HSPG2: variants seen among roughly 807,000 people sequenced by gnomAD.
HSPG2 encodes the protein heparan sulfate proteoglycan 2.
In HSPG2, 278 loss-of-function variants were observed where a neutral mutation model predicts 526.6. The observed-to-expected ratio is 0.53, with a 90% CI of 0.48 to 0.58. The LOEUF (loss-of-function observed/expected upper bound fraction) is 0.58, where lower values mean the gene tolerates loss of function less well. HSPG2 is among the 20% of genes least tolerant of loss of function. The probability of loss-of-function intolerance (pLI) is 0.00; values close to 1 mark genes in which losing one functional copy is unlikely to be tolerated. For missense variants in HSPG2, 5,354 were observed against 6,099.5 expected (o/e 0.88, Z 4.07); for synonymous variants, 2,465 against 2,555.4 (o/e 0.96, Z 1.07).
Position 21,848,066 on chromosome 1 carries a change from G to A in HSPG2, c.7765C>T (p.Gln2589Ter). ...TCGCCCGAGTCTGCCGGAGTCACCT[G>A]AGGGATCCGCAGCCGGGAGCCCACG... ...QIVGSRLRIP[Q>*]VTPADSGEYV... Residue 2589 changes from glutamine to a stop codon, truncating the protein, a stop_gained, in exon 60 of 97, where the codon CAG becomes TAG. Transcript: ENST00000374695. LOFTEE classifies it high-confidence loss of function. The surrounding 1 kb of genome is among the most constrained non-coding windows in gnomAD (Gnocchi z 4.9). 1 of 1,611,882 alleles carries A rather than the reference G, an allele frequency of 6.2e-7. No individual in the cohort carries two copies. The highest frequency in any genetic ancestry group is 8.5e-7 in the Non-Finnish European group (1 of 1,179,388).
chr1:21,894,028 C>A (rs145298176), intron 3 of HSPG2, among the ~76,000 whole-genome samples: 1 of 151,808 alleles, frequency 6.6e-6, no homozygotes, highest in Non-Finnish European at 1.5e-5. Flanking sequence ...GGGCCCAGGG[C>A]AGGGAGGACA....
intron 9 of HSPG2, among the ~76,000 whole-genome samples, chr1:21,885,849 A>T (rs1641855690): frequency 6.6e-6 from 1 of 152,232 alleles, no homozygotes. Context: ...CTTCTCTACC[A>T]GAATGCCTGG....
intron 90 of HSPG2, 34 bp from the exon 91 acceptor site, chr1:21,827,953 T>C (rs776039342): frequency 1.9e-5 from 30 of 1,608,872 alleles, no homozygotes; most frequent in Middle Eastern, 1.6e-4. Context: ...TTGGTGGGCA[T>C]AGACACCCGT....
rs1557742701 is a variant in HSPG2, at chr1:21,864,221, C to T, written c.4627-8G>A. The T allele has an allele frequency of 6.5e-7, 1 of 1,550,170 alleles. No homozygotes were observed. The highest frequency in any genetic ancestry group is 2.4e-5 in the East Asian group (1 of 40,950). On this transcript the variant is annotated splice_polypyrimidine_tract_variant and splice_region_variant and intron_variant, in intron 36 of 96. Coordinates refer to ENST00000374695, the MANE Select transcript of HSPG2 (RefSeq NM_005529.7). This position sits in a 1 kb window ranked among gnomAD's most constrained non-coding sequence, Gnocchi z 4.8. ...GTAGCCGGGGGCACAGTCCTAGGGGCAGAGAGGAAGGTTGGCCTCTGTTCC... is the reference window on the plus strand; with the variant it reads ...GTAGCCGGGGGCACAGTCCTAGGGGTAGAGAGGAAGGTTGGCCTCTGTTCC...
In HSPG2 at chr1:21,860,014, G is replaced by T. The variant is rs1365677396; in HGVS notation, c.5015-12C>A. 6.2e-7 allele frequency: 1 copy of T among 1,609,396 alleles called. No individual in the cohort carries two copies. On this transcript the variant is annotated splice_polypyrimidine_tract_variant and intron_variant, in intron 40 of 96. Coordinates refer to ENST00000374695, the MANE Select transcript of HSPG2 (RefSeq NM_005529.7). ...TGGGGCTTGGTTTGCTGGGGGTGGG[G>T]GCCGGGACAGGAAGGGCCTTTCAGC...
In HSPG2 at chr1:21,833,362, C is replaced by T. The variant is rs147966644; in HGVS notation, c.11001G>A (p.Thr3667=). 2.5e-4 allele frequency: 402 copies of T among 1,614,004 alleles called. 3 individuals carry two copies. Among genetic ancestry groups the T allele is most frequent in the Non-Finnish European group, 3.0e-4 (351 of 1,180,014 alleles). ...GCGGTAGGAAGGAGTAGGGGGTCTG[C>T]GTGAAGTAGGGCACCACCCGCTCTG... ...QVPERVVPYF[T]QTPYSFLPLP... The change falls in exon 80 of 97, where the codon ACG becomes ACA. Residue 3667 remains threonine, a synonymous_variant. Coordinates refer to ENST00000374695, the MANE Select transcript of HSPG2 (RefSeq NM_005529.7).
At position 21,872,869 on chromosome 1, in the gene HSPG2, CTGCCCTGTCCCCCA is replaced by C. The variant is rs764599221; in HGVS notation, c.3888+114_3889-110del. ...CACTTCCAGCAGCCCCGGGCAGCCCCTGCCCTGTCCCCCATGCCCTGCCCCCCATGCCCAGGTCT... is the reference window on the plus strand; with the variant it reads ...CACTTCCAGCAGCCCCGGGCAGCCCCTGCCCTGCCCCCCATGCCCAGGTCT... On this transcript the variant is annotated intron_variant, in intron 31 of 96. Coordinates refer to ENST00000374695, the MANE Select transcript of HSPG2 (RefSeq NM_005529.7). This position sits in a 1 kb window ranked among gnomAD's most constrained non-coding sequence, Gnocchi z 5.5. 1 of 1,545,404 alleles carries C rather than the reference CTGCCCTGTCCCCCA, an allele frequency of 6.5e-7. No individual in the cohort carries two copies. The highest frequency in any genetic ancestry group is 1.4e-5 in the African/African-American group (1 of 73,682).
chr1:21,891,436 G>A (rs1000849389), intron 3 of HSPG2, among the ~76,000 whole-genome samples: 2 of 152,166 alleles, frequency 1.3e-5, no homozygotes, highest in East Asian at 1.9e-4. Context: ...CCCAAGAATC[G>A]AAGCTGCTGT....
Position 21,843,298 on chromosome 1 carries a change from A to T in HSPG2, c.8757T>A (p.Pro2919=). 1 of 1,614,022 alleles carries T rather than the reference A, an allele frequency of 6.2e-7. No homozygotes were observed. Among genetic ancestry groups the T allele is most frequent in the Admixed American group, 1.7e-5 (1 of 60,024 alleles). The change falls in exon 66 of 97, where the codon CCT becomes CCA. Residue 2919 remains proline (P), a splice_region_variant and synonymous_variant. Coordinates refer to ENST00000374695, the MANE Select transcript of HSPG2 (RefSeq NM_005529.7). ...TIEPSSPGPI[P]APGLAQPIYI... ...CGCCCACTGCTCCCTATCACTCACC[A>T]GGAATGGGTCCTGGGCTGGAGGGCT...
chr1:21,903,104 CAGA>C (rs764613943), intron 1 of HSPG2, among the ~76,000 whole-genome samples: 35 of 152,204 alleles, frequency 2.3e-4, no homozygotes, highest in Non-Finnish European at 4.1e-4. Context: ...AAGCTAACTT[CAGA>C]AGGAGACTTG....
chr1:21,888,092 G>C (rs1393665533), intron 6 of HSPG2, 26 bp from the exon 7 acceptor site: 2 of 1,613,500 alleles, frequency 1.2e-6, no homozygotes, highest in Non-Finnish European at 1.7e-6. Flanking sequence ...AAGCAGACTG[G>C]AGTCAGAGGC....
chr1:21,893,556 C>T lies in HSPG2; in HGVS notation c.244+2366G>A, dbSNP rs887980245. On this transcript the variant is annotated intron_variant, in intron 3 of 96. Transcript: ENST00000374695. This position sits in a 1 kb window ranked among gnomAD's most constrained non-coding sequence, Gnocchi z 4.3. ...GGGGAGGGAGGCAGAGGGAGAGCAG[C>T]GCTCCCACCTGGCCAGGGCCTGGGT... Among the ~76,000 whole-genome samples the T allele has an allele frequency of 4.0e-5, 6 of 151,292 alleles. No individual in the cohort carries two copies. Among genetic ancestry groups the T allele is most frequent in the East Asian group, 2.0e-4 (1 of 5,060 alleles).
rs548069990 is a variant in HSPG2 at position 21,896,349 on chromosome 1, G to T, written c.64-39C>A. 3.1e-6 allele frequency: 5 copies of T among 1,606,968 alleles called. No individual in the cohort carries two copies. The South Asian group carries it at 4.4e-5, about 14-fold the overall frequency. Reference sequence around the variant, plus strand: ...AGAGCTGATTGAGTCACTCTCTCCAGCTCCCACTGAGCCCCACGGTCCTTC... The same window carrying T: ...AGAGCTGATTGAGTCACTCTCTCCATCTCCCACTGAGCCCCACGGTCCTTC... On this transcript the variant is annotated intron_variant, in intron 1 of 96. Transcript: ENST00000374695.
At chr1:21,913,994 CGCTAA>C (rs1643802022) in intron 1 of HSPG2, among the ~76,000 whole-genome samples, 1 of 152,124 alleles carries the variant, frequency 6.6e-6, no homozygotes, top group Non-Finnish European at 1.5e-5. Flanking sequence ...AAATTTGTGG[CGCTAA>C]GCTGTGAGTC....
rs970241590 is a variant in HSPG2, at chr1:21,842,373, C to T, written c.8918G>A (p.Gly2973Asp). 7 of 1,606,878 alleles carry T rather than the reference C, an allele frequency of 4.4e-6. No individual in the cohort carries two copies. Among genetic ancestry groups the T allele is most frequent in the Non-Finnish European group, 6.0e-6 (7 of 1,176,046 alleles). ...GACGAGGTGGAGCCGCAGCTGGGAGCCATGGGTCTGTCAGAGCAGCGAGGG... is the reference window on the plus strand; with the variant it reads ...GACGAGGTGGAGCCGCAGCTGGGAGTCATGGGTCTGTCAGAGCAGCGAGGG... The part of the protein sequence containing the change: ...GSLPARHQTH[G>D]SQLRLHLVSP... The change falls in exon 68 of 97, where the codon GGC (glycine) becomes GAC (aspartate). Residue 2973 changes from glycine to aspartate, a missense_variant. By Grantham distance (94) the Gly-to-Asp change is moderately conservative. Transcript: ENST00000374695.
At chr1:21,896,393 C>A in intron 1 of HSPG2, 83 bp from the exon 2 acceptor site, 1 of 1,501,106 alleles carries the variant, frequency 6.7e-7, no homozygotes, top group South Asian at 1.1e-5. Flanking sequence ...TCCAGGGGGA[C>A]CCAGAATCCC....
Position 21,833,271 on chromosome 1 carries a change from C to T in HSPG2, c.11092G>A (p.Asp3698Asn), listed in dbSNP as rs143702306. 68 of 1,613,438 alleles carry T rather than the reference C, an allele frequency of 4.2e-5. 1 individual carries two copies. In the African/African-American group the frequency reaches 6.4e-4, roughly 15 times the overall value. The change falls in exon 80 of 97, where the codon GAT becomes AAT. Residue 3698 changes from aspartate to asparagine, a missense_variant. By Grantham distance (23) the Asp-to-Asn change is conservative. Transcript: ENST00000374695. ...IKITFRPDSA[D>N]GMLLYNGQKR... ...GCAAATTAACCCTCCTGCTCACCAT[C>T]GGCTGAGTCGGGCCGGAAGGTGATC... is the stretch of plus-strand genomic sequence containing the variant.
intron 13 of HSPG2, among the ~76,000 whole-genome samples, chr1:21,884,216 C>T (rs150596124): frequency 2.6e-5 from 4 of 152,244 alleles, no homozygotes; most frequent in South Asian, 4.1e-4. Flanking sequence ...GAAACAGACA[C>T]GAGATAGTGG....
At chr1:21,850,265 G>A (rs1638783315) in intron 56 of HSPG2, 73 bp from the exon 57 acceptor site, 1 of 1,611,818 alleles carries the variant, frequency 6.2e-7, no homozygotes, top group Non-Finnish European at 8.5e-7. Flanking sequence ...TCTCAAGGCA[G>A]GTGCAGTCTG....
Sources: allele counts gnomAD v4.1 joint callset (sites outside exome capture counted in the v4.1 genomes callset), GRCh38; gene constraint gnomAD v4.1.1; non-coding constraint Gnocchi (gnomAD v3.1); transcripts MANE v1.5; gene names NCBI Gene and HGNC (gene_info 2026-07-23, HGNC 2026-07-21).